Variants in AAMDC observed in about 807,000 individuals in gnomAD.
AAMDC encodes adipogenesis associated Mth938 domain containing.
A neutral mutation model predicts 15.5 loss-of-function variants in AAMDC; 16 were observed. That is an observed-to-expected ratio of 1.03 (90% CI 0.70 to 1.57). AAMDC has a LOEUF of 1.57. AAMDC is among the 40% of genes most tolerant of loss of function. The pLI is 0.00. For missense variants in AAMDC, 141 were observed against 144.9 expected (o/e 0.97, Z 0.14); for synonymous variants, 51 against 51.6 (o/e 0.99, Z 0.05).
chr11:77,869,508 G>A (rs920593546), intron 2 of AAMDC, among the ~76,000 whole-genome samples: 192 of 138,214 alleles, frequency 1.4e-3, no homozygotes, highest in African/African-American at 5.0e-3. Flanking sequence ...AGACACGGTC[G>A]GTCTCCCTAT....
intron 5 of AAMDC, among the ~76,000 whole-genome samples, chr11:77,897,068 G>T (rs958876354): frequency 6.6e-6 from 1 of 151,916 alleles, no homozygotes; most frequent in East Asian, 1.9e-4. Flanking sequence ...CTGGTGTGGC[G>T]GGGGTTGCCC....
chr11:77,858,872 A>G (rs1332433356), intron 2 of AAMDC, among the ~76,000 whole-genome samples: 1 of 152,226 alleles, frequency 6.6e-6, no homozygotes. Context: ...TACAGCTTCG[A>G]TTCTGGAAGA....
chr11:77,887,771 G>A (rs9665828), intron 5 of AAMDC, among the ~76,000 whole-genome samples: 2,858 of 152,006 alleles, frequency 0.019, 36 homozygotes, highest in Non-Finnish European at 0.028. Flanking sequence ...ATTCTTATAC[G>A]CCAATAACAG....
chr11:77,895,568 A>T (rs565276810), intron 5 of AAMDC, among the ~76,000 whole-genome samples: 5 of 148,152 alleles, frequency 3.4e-5, no homozygotes, highest in African/African-American at 1.2e-4. Context: ...GTAGCACTTG[A>T]AAGTTTTTAA....
downstream of AAMDC, chr11:77,877,059 C>G: frequency 1.4e-6 from 1 of 702,718 alleles, no homozygotes; most frequent in African/African-American, 1.7e-5. Flanking sequence ...GGTAAGCACA[C>G]TAGAAAAGTC....
rs373395763 is a variant in AAMDC, at chr11:77,822,546, A to G, written c.-19+1305A>G. ...TATATGAGTAACAGGGAAAATGGTCACACAAACACCGAATTTTTTTCTTCA... is the reference window on the plus strand; with the variant it reads ...TATATGAGTAACAGGGAAAATGGTCGCACAAACACCGAATTTTTTTCTTCA... On this transcript the variant is annotated intron_variant, in intron 1 of 3. Coordinates refer to ENST00000393427, the MANE Select transcript of AAMDC (RefSeq NM_024684.4). 3.3e-5 allele frequency among the ~76,000 whole-genome samples: 5 copies of G among 152,302 alleles called. No individual in the cohort carries two copies. The South Asian group carries it at 1.0e-3, about 32-fold the overall frequency.
chr11:77,877,079 G>C (rs990245925), downstream of AAMDC: 17 of 701,954 alleles, frequency 2.4e-5, no homozygotes, highest in East Asian at 4.3e-4. Context: ...CAGCTCCCTG[G>C]AGTTAATCAT....
At chr11:77,832,291 T>C (rs1366288250) in intron 1 of AAMDC, among the ~76,000 whole-genome samples, 1 of 151,812 alleles carries the variant, frequency 6.6e-6, no homozygotes, top group East Asian at 1.9e-4. Context: ...TCTTTGAGTT[T>C]ATAAGTTTAT....
At chr11:77,905,494 C>A (rs1952921077), downstream of AAMDC, among the ~76,000 whole-genome samples, 1 of 151,766 alleles carries the variant, frequency 6.6e-6, no homozygotes, top group Non-Finnish European at 1.5e-5. Context: ...AAAACGGACT[C>A]TCTGGGTTCT....
chr11:77,897,067 C>T (rs1213782031), intron 5 of AAMDC, among the ~76,000 whole-genome samples: 3 of 151,680 alleles, frequency 2.0e-5, no homozygotes, highest in South Asian at 4.2e-4. Context: ...TCTGGTGTGG[C>T]GGGGGTTGCC....
At chr11:77,835,656 C>T (rs1454999648) in intron 1 of AAMDC, among the ~76,000 whole-genome samples, 6 of 151,858 alleles carry the variant, frequency 4.0e-5, no homozygotes, top group Non-Finnish European at 5.9e-5. Flanking sequence ...TGGTGGCTCA[C>T]GCCTGTAATC....
rs534083854 is a variant in AAMDC at position 77,853,423 on chromosome 11, T to C, written c.132+10795T>C. On this transcript the variant is annotated intron_variant, in intron 2 of 3. Transcript: ENST00000393427. ...ATGGCCAGAGCAGGAGGCAGGAGAG[T>C]GGGGAGGTGCTATATACTTTTAAAC... is the stretch of plus-strand genomic sequence containing the variant. Among the ~76,000 whole-genome samples the C allele has an allele frequency of 1.1e-3, 159 of 150,072 alleles. 7 individuals are homozygous for C. The South Asian group carries it at 0.033, about 31-fold the overall frequency.
At chr11:77,822,865 G>C (rs1049798873) in intron 1 of AAMDC, among the ~76,000 whole-genome samples, 2 of 152,122 alleles carry the variant, frequency 1.3e-5, no homozygotes, top group African/African-American at 4.8e-5. Context: ...CACTTAAAGT[G>C]GTTAAAATGG....
chr11:77,877,062 GAA>G (rs1380478110), downstream of AAMDC: 1 of 702,694 alleles, frequency 1.4e-6, no homozygotes, highest in Admixed American at 2.0e-5. Flanking sequence ...AAGCACACTA[GAA>G]AAGTCAGCTC....
At chr11:77,840,443 C>T (rs1949881019) in intron 1 of AAMDC, among the ~76,000 whole-genome samples, 1 of 152,122 alleles carries the variant, frequency 6.6e-6, no homozygotes, top group Non-Finnish European at 1.5e-5. Context: ...GCAGGATAAT[C>T]ACTTGAACCC....
chr11:77,821,782 T>C (rs1188083396), intron 1 of AAMDC, among the ~76,000 whole-genome samples: 1 of 152,052 alleles, frequency 6.6e-6, no homozygotes. Flanking sequence ...CTACCAATAA[T>C]GTAAAATAGA....
chr11:77,828,772 A>C (rs1334326118), intron 1 of AAMDC, among the ~76,000 whole-genome samples: 3 of 152,222 alleles, frequency 2.0e-5, no homozygotes. Flanking sequence ...GGAAGATTTA[A>C]TATTGATAAG....
At chr11:77,889,398 G>A (rs1952163375) in intron 5 of AAMDC, among the ~76,000 whole-genome samples, 1 of 150,254 alleles carries the variant, frequency 6.7e-6, no homozygotes, top group African/African-American at 2.5e-5. Flanking sequence ...GACTGTTGTG[G>A]GGTAGGGGGA....
intron 5 of AAMDC, among the ~76,000 whole-genome samples, chr11:77,882,636 A>G (rs1261999382): frequency 2.0e-5 from 3 of 152,190 alleles, no homozygotes; most frequent in African/African-American, 7.2e-5. Context: ...TACTCAGGGA[A>G]GCACGTCCTG....
Sources: allele counts gnomAD v4.1 joint callset (sites outside exome capture counted in the v4.1 genomes callset), GRCh38; gene constraint gnomAD v4.1.1; transcripts MANE v1.5; gene names NCBI Gene and HGNC (gene_info 2026-07-23, HGNC 2026-07-21).